The following PALM2AKAP2 variants were observed in gnomAD, a reference collection of about 807,000 sequenced individuals.
The protein encoded by PALM2AKAP2 is PALM2 and AKAP2 fusion, also known as PALM2-AKAP2 fusion protein.
In PALM2AKAP2, 37 loss-of-function variants were observed where a neutral mutation model predicts 71.5. That is an observed-to-expected ratio of 0.52 (90% CI 0.40 to 0.68). The LOEUF (loss-of-function observed/expected upper bound fraction) is 0.68, where lower values mean the gene tolerates loss of function less well. PALM2AKAP2 is among the 30% of genes least tolerant of loss of function. PALM2AKAP2 has a pLI of 0.00. For synonymous variants in PALM2AKAP2, 468 were observed against 478.8 expected (o/e 0.98, Z 0.29); for missense variants, 1,224 against 1,191.8 (o/e 1.03, Z -0.40).
At chr9:109,949,052 A>G (rs963938122) in intron 6 of PALM2AKAP2, among the ~76,000 whole-genome samples, 1 of 152,228 alleles carries the variant, frequency 6.6e-6, no homozygotes, top group Non-Finnish European at 1.5e-5. Context: ...TGTGAATTTC[A>G]TTACAGGAGC....
At chr9:110,000,682 C>T (rs1194511918) in intron 6 of PALM2AKAP2, among the ~76,000 whole-genome samples, 1 of 152,154 alleles carries the variant, frequency 6.6e-6, no homozygotes, top group Non-Finnish European at 1.5e-5. Context: ...CTGTTGTTTC[C>T]TGACTTTTTA....
intron 6 of PALM2AKAP2, among the ~76,000 whole-genome samples, chr9:110,008,827 A>T (rs1001725432): frequency 6.8e-5 from 10 of 147,084 alleles, no homozygotes; most frequent in Non-Finnish European, 1.0e-4. Context: ...GGGTCATGTG[A>T]CCAGTTCTGG....
At chr9:109,743,788 A>G (rs913364) in intron 1 of PALM2AKAP2, among the ~76,000 whole-genome samples, 22,365 of 152,238 alleles carry the variant, frequency 0.15, 2,064 homozygotes, top group Non-Finnish European at 0.21. Context: ...GCACACTTTG[A>G]TAACAGGAGA....
At chr9:109,747,789 C>T (rs567968839) in intron 1 of PALM2AKAP2, among the ~76,000 whole-genome samples, 130 of 152,304 alleles carry the variant, frequency 8.5e-4, no homozygotes, top group African/African-American at 3.0e-3. Context: ...CCCACCTCAG[C>T]CTCCCAAGTA....
At chr9:110,095,825 T>A (rs574607862) in intron 1 of PALM2AKAP2, among the ~76,000 whole-genome samples, 167 of 152,052 alleles carry the variant, frequency 1.1e-3, no homozygotes, top group African/African-American at 3.7e-3. Context: ...TTGGAAGGAG[T>A]ATTGAGTTCC....
At chr9:109,672,144 A>G (rs1216869804) in intron 1 of PALM2AKAP2, among the ~76,000 whole-genome samples, 1 of 152,070 alleles carries the variant, frequency 6.6e-6, no homozygotes, top group Non-Finnish European at 1.5e-5. Context: ...ACTACATTAA[A>G]CAGGAACGGT....
In PALM2AKAP2 at chr9:110,168,173, G is replaced by T. The variant is rs530848873; in HGVS notation, c.2749-226G>T. Among the ~76,000 whole-genome samples, 8 of 152,308 alleles carry T rather than the reference G, an allele frequency of 5.3e-5. No homozygotes were observed. The South Asian group carries it at 1.7e-3, about 32-fold the overall frequency. ...TTCATGAAAATTAAATTTCTCTATGGTGAAAACTAGGGGTCAAGTAGCAGA... is the reference window on the plus strand; with the variant it reads ...TTCATGAAAATTAAATTTCTCTATGTTGAAAACTAGGGGTCAAGTAGCAGA... On this transcript the variant is annotated intron_variant, in intron 3 of 3. Transcript: ENST00000374525.
intron 1 of PALM2AKAP2, among the ~76,000 whole-genome samples, chr9:109,644,981 A>G (rs1277179979): frequency 6.6e-6 from 1 of 152,052 alleles, no homozygotes; most frequent in East Asian, 1.9e-4. Context: ...GAGCCCTCCA[A>G]ACTGTTTCAA....
At chr9:109,931,749 G>A (rs559655696) in intron 5 of PALM2AKAP2, among the ~76,000 whole-genome samples, 178 bp from the exon 6 acceptor site, 1 of 152,310 alleles carries the variant, frequency 6.6e-6, no homozygotes, top group East Asian at 1.9e-4. Flanking sequence ...TCCTGCCTCA[G>A]CTACTCTGCT....
chr9:109,838,212 G>C, intron 1 of PALM2AKAP2, among the ~76,000 whole-genome samples: 1 of 152,214 alleles, frequency 6.6e-6, no homozygotes, highest in East Asian at 1.9e-4. Context: ...TAGAACTCAA[G>C]ATTAAGAAAC....
At chr9:109,790,674 C>T (rs1249555070) in intron 1 of PALM2AKAP2, among the ~76,000 whole-genome samples, 2 of 152,198 alleles carry the variant, frequency 1.3e-5, no homozygotes, top group Non-Finnish European at 2.9e-5. Context: ...ACTCAGTCAG[C>T]TGGCTTTCCC....
upstream of PALM2AKAP2, among the ~76,000 whole-genome samples, chr9:110,045,166 C>A (rs768867613): frequency 5.9e-5 from 9 of 152,080 alleles, no homozygotes; most frequent in Non-Finnish European, 4.4e-5. Flanking sequence ...AAATCTTCAT[C>A]TCCTCTCCCC....
At chr9:109,859,537 C>G (rs1829258064) in intron 1 of PALM2AKAP2, among the ~76,000 whole-genome samples, 1 of 152,170 alleles carries the variant, frequency 6.6e-6, no homozygotes, top group Admixed American at 6.5e-5. Context: ...AGGTACCCAA[C>G]AAATGTGTAC....
chr9:110,087,914 G>A (rs547354279), intron 1 of PALM2AKAP2, among the ~76,000 whole-genome samples: 2 of 152,216 alleles, frequency 1.3e-5, no homozygotes, highest in African/African-American at 2.4e-5. Flanking sequence ...GGGATGAGGG[G>A]GCTGCTTAGA....
chr9:109,869,003 C>T (rs1034899275), intron 2 of PALM2AKAP2, among the ~76,000 whole-genome samples: 9 of 152,208 alleles, frequency 5.9e-5, no homozygotes, highest in African/African-American at 1.9e-4. Flanking sequence ...ACAGTCCATT[C>T]AGTACGGTGC....
chr9:110,060,943 G>T (rs761556242), intron 1 of PALM2AKAP2, among the ~76,000 whole-genome samples: 2 of 152,118 alleles, frequency 1.3e-5, no homozygotes, highest in Non-Finnish European at 2.9e-5. Flanking sequence ...CTGTCTGAAG[G>T]TCTATTTCCC....
At chr9:109,822,738 G>A (rs891304520) in intron 1 of PALM2AKAP2, among the ~76,000 whole-genome samples, 4 of 152,062 alleles carry the variant, frequency 2.6e-5, no homozygotes, top group African/African-American at 7.2e-5. Context: ...TGTATTCCAC[G>A]GTGTATATGT....
chr9:110,011,014 A>AAAAAAAATAT (rs35212981), intron 6 of PALM2AKAP2, among the ~76,000 whole-genome samples: 10 of 69,586 alleles, frequency 1.4e-4, no homozygotes, highest in African/African-American at 2.3e-4. Flanking sequence ...AAAAAAAAAA[A>AAAAAAAATAT]ATATATATAT....
At chr9:109,753,362 G>T (rs1828912352) in intron 1 of PALM2AKAP2, among the ~76,000 whole-genome samples, 1 of 152,042 alleles carries the variant, frequency 6.6e-6, no homozygotes, top group Non-Finnish European at 1.5e-5. Flanking sequence ...AATAATGGGG[G>T]ACGGGGAAAA....
Sources: allele counts gnomAD v4.1 joint callset (sites outside exome capture counted in the v4.1 genomes callset), GRCh38; gene constraint gnomAD v4.1.1; transcripts MANE v1.5; gene names NCBI Gene and HGNC (gene_info 2026-07-23, HGNC 2026-07-21).